ARHGAP6: variants seen among roughly 807,000 people sequenced by gnomAD.
ARHGAP6 encodes Rho GTPase activating protein 6.
Under a neutral mutation model 55.7 loss-of-function variants are expected in ARHGAP6, and 16 were observed. That is an observed-to-expected ratio of 0.29 (90% CI 0.19 to 0.44). The LOEUF is 0.44. Ranked by LOEUF, ARHGAP6 falls within the 20% of genes least tolerant of loss-of-function variation. The pLI is 1.00. For synonymous variants in ARHGAP6, 382 were observed against 360.9 expected (o/e 1.06, Z -0.66); for missense variants, 698 against 808.9 (o/e 0.86, Z 1.66).
At chrX:11,416,767 G>A (rs893769976) in intron 1 of ARHGAP6, among the ~76,000 whole-genome samples, 3 of 109,900 alleles carry the variant, frequency 2.7e-5, no homozygotes, top group African/African-American at 1.0e-4. Context: ...GTTTATCCTT[G>A]TTCGTAAATA....
At chrX:11,225,317 T>C (rs2047031128) in intron 2 of ARHGAP6, among the ~76,000 whole-genome samples, 1 of 111,212 alleles carries the variant, frequency 9.0e-6, no homozygotes, top group African/African-American at 3.3e-5. Context: ...AAAATCTTAG[T>C]AAAAAAGAAT....
At chrX:11,517,383 A>G (rs2050853040) in intron 1 of ARHGAP6, among the ~76,000 whole-genome samples, 1 of 111,574 alleles carries the variant, frequency 9.0e-6, no homozygotes. Context: ...CAAATTCTAC[A>G]AGGGTGTGGA....
At chrX:11,263,024 A>C (rs1022064693) in intron 1 of ARHGAP6, among the ~76,000 whole-genome samples, 1 of 110,921 alleles carries the variant, frequency 9.0e-6, no homozygotes, top group East Asian at 2.8e-4. Flanking sequence ...CTAAATTTGC[A>C]TCACCATCTG....
At position 11,243,609 on chromosome X, in the gene ARHGAP6, G is replaced by A. The variant is rs187869588; in HGVS notation, c.748+10939C>T. ...TATTGACTTTTATTTTTTGCTTAAT[G>A]CCACCAAAGGAACTCATCTCACCTT... On this transcript the variant is annotated intron_variant, in intron 2 of 12. Transcript: ENST00000337414. 4.5e-5 allele frequency among the ~76,000 whole-genome samples: 5 copies of A among 111,612 alleles called. No individual in the cohort carries two copies. In the East Asian group the frequency reaches 1.1e-3, roughly 25 times the overall value.
chrX:11,227,606 C>A (rs1416358198), intron 2 of ARHGAP6, among the ~76,000 whole-genome samples: 1 of 110,098 alleles, frequency 9.1e-6, no homozygotes, highest in African/African-American at 3.3e-5. Context: ...GTCAGTGGTG[C>A]CCATGTCTCA....
In ARHGAP6 at chrX:11,522,472, A is replaced by T. The variant is rs1333101518; in HGVS notation, c.588+141769T>A. 2.5e-4 allele frequency among the ~76,000 whole-genome samples: 28 copies of T among 111,313 alleles called. No individual in the cohort carries two copies. The South Asian group carries it at 2.7e-3, about 11-fold the overall frequency. On this transcript the variant is annotated intron_variant, in intron 1 of 12. Coordinates refer to ENST00000337414, the MANE Select transcript of ARHGAP6 (RefSeq NM_013427.3). ...GCTGGTTTTTTGAAAAGATCAACAA[A>T]ATCGATAGACCGCTAGCAAGACTAA...
At chrX:11,650,789 A>G (rs774613917) in intron 1 of ARHGAP6, among the ~76,000 whole-genome samples, 10 of 112,511 alleles carry the variant, frequency 8.9e-5, no homozygotes, top group African/African-American at 3.2e-4. Flanking sequence ...CAGCAGAACA[A>G]CAATATATTT....
rs1225840900 is a variant in ARHGAP6 at position 11,501,969 on chromosome X, C to A, written c.588+162272G>T. Among the ~76,000 whole-genome samples, 92 of 111,166 alleles carry A rather than the reference C, an allele frequency of 8.3e-4. 2 individuals carry two copies. The highest frequency in any genetic ancestry group is 3.8e-5 in the Non-Finnish European group (2 of 52,918). ...GAAAGATCAACTGTGTGTGTGTGTG[C>A]ACATGTGTGTGTGTTTATATACAAA... On this transcript the variant is annotated intron_variant, in intron 1 of 12. Coordinates refer to ENST00000337414, the MANE Select transcript of ARHGAP6 (RefSeq NM_013427.3).
chrX:11,417,526 T>C (rs935832430), intron 1 of ARHGAP6, among the ~76,000 whole-genome samples: 1 of 111,132 alleles, frequency 9.0e-6, no homozygotes, highest in African/African-American at 3.3e-5. Context: ...ATCTGTAGTC[T>C]AGTTAATAGG....
At chrX:11,567,569 A>G (rs2051459540) in intron 1 of ARHGAP6, among the ~76,000 whole-genome samples, 1 of 98,679 alleles carries the variant, frequency 1.0e-5, no homozygotes, top group Admixed American at 1.1e-4. Context: ...AAAAAAAAAT[A>G]TATATATATA....
intron 10 of ARHGAP6, among the ~76,000 whole-genome samples, chrX:11,155,059 T>C (rs1356994571): frequency 8.9e-6 from 1 of 111,773 alleles, no homozygotes; most frequent in African/African-American, 3.3e-5. Context: ...AAGCTGGAAA[T>C]GGAGTGAAGC....
chrX:11,613,681 A>G (rs1277511762), intron 1 of ARHGAP6, among the ~76,000 whole-genome samples: 1 of 112,139 alleles, frequency 8.9e-6, no homozygotes, highest in Admixed American at 9.4e-5. Context: ...AAATCTTTTG[A>G]GTATCAATCC....
At chrX:11,166,909 CCCTCTTCCTCCCACT>C (rs1441507140) in intron 9 of ARHGAP6, among the ~76,000 whole-genome samples, 5 of 111,797 alleles carry the variant, frequency 4.5e-5, no homozygotes, top group African/African-American at 1.6e-4. Flanking sequence ...ATATTTGTCT[CCCTCTTCCTCCCACT>C]CCACTGTTAT....
intron 1 of ARHGAP6, among the ~76,000 whole-genome samples, chrX:11,651,606 T>C (rs1052093878): frequency 8.9e-6 from 1 of 111,947 alleles, no homozygotes; most frequent in East Asian, 2.8e-4. Flanking sequence ...AACAGGGATG[T>C]GCATGTATCT....
chrX:11,345,900 G>T (rs1340898106), intron 1 of ARHGAP6, among the ~76,000 whole-genome samples: 4 of 110,994 alleles, frequency 3.6e-5, no homozygotes, highest in African/African-American at 1.3e-4. Flanking sequence ...CTCTCTAATA[G>T]AACCAATATG....
At chrX:11,282,075 T>C (rs1195357327) in intron 1 of ARHGAP6, among the ~76,000 whole-genome samples, 1 of 111,979 alleles carries the variant, frequency 8.9e-6, no homozygotes, top group Admixed American at 9.5e-5. Context: ...CAAATCCAGT[T>C]GTGGTGTGGC....
chrX:11,484,739 A>G (rs1190365228), intron 1 of ARHGAP6, among the ~76,000 whole-genome samples: 3 of 112,154 alleles, frequency 2.7e-5, no homozygotes, highest in Admixed American at 9.4e-5. Flanking sequence ...AAAAGCTAAA[A>G]TTTACTGGCT....
chrX:11,329,382 C>T (rs981727908), intron 1 of ARHGAP6, among the ~76,000 whole-genome samples: 2 of 112,151 alleles, frequency 1.8e-5, no homozygotes, highest in African/African-American at 3.2e-5. Flanking sequence ...TCAGGGGCAA[C>T]AGGAAAGAGT....
chrX:11,661,529 T>C (rs997590314), intron 1 of ARHGAP6, among the ~76,000 whole-genome samples: 1 of 112,405 alleles, frequency 8.9e-6, no homozygotes, highest in African/African-American at 3.2e-5. Context: ...GGGGCTGTTG[T>C]ATGGACAATT....
Sources: allele counts gnomAD v4.1 joint callset (sites outside exome capture counted in the v4.1 genomes callset), GRCh38; gene constraint gnomAD v4.1.1; transcripts MANE v1.5; gene names NCBI Gene and HGNC (gene_info 2026-07-23, HGNC 2026-07-21).